Variants in OPRPN observed in about 807,000 individuals in gnomAD.
The protein encoded by OPRPN is basic proline-rich lacrimal protein.
A neutral mutation model predicts 2.2 loss-of-function variants in OPRPN; 1 was observed. The ratio of observed to expected loss-of-function variants is 0.45; its 90% confidence interval spans 0.16 to 2.15. OPRPN has a LOEUF of 2.15. Among genes scored for constraint, OPRPN ranks in the 30% most tolerant of loss-of-function variants. OPRPN has a pLI of 0.28. For synonymous variants in OPRPN, 126 were observed against 111.5 expected (o/e 1.13, Z -0.82); for missense variants, 306 against 297.3 (o/e 1.03, Z -0.21).
chr4:70,401,600 C>T (rs370803656), intron 2 of OPRPN, among the ~76,000 whole-genome samples: 4 of 152,186 alleles, frequency 2.6e-5, no homozygotes, highest in African/African-American at 9.6e-5. Context: ...GAACATGAGA[C>T]AAACCCTCAA....
At chr4:70,402,776 G>A (rs988234996) in intron 2 of OPRPN, among the ~76,000 whole-genome samples, 1 of 151,900 alleles carries the variant, frequency 6.6e-6, no homozygotes, top group Non-Finnish European at 1.5e-5. Flanking sequence ...AGCCAACCAT[G>A]CAAGCAGAGG....
chr4:70,400,901 C>T (rs1732970882), intron 2 of OPRPN, among the ~76,000 whole-genome samples: 1 of 151,818 alleles, frequency 6.6e-6, no homozygotes, highest in Admixed American at 6.6e-5. Context: ...AAGAAAGATC[C>T]ATGATCAAGT....
chr4:70,398,547 C>A (rs1229855321), intron 1 of OPRPN, among the ~76,000 whole-genome samples: 1 of 151,864 alleles, frequency 6.6e-6, no homozygotes, highest in Non-Finnish European at 1.5e-5. Context: ...ACCACATAAA[C>A]CCCAAGACAA....
Position 70,409,819 on chromosome 4 carries a change from C to A in OPRPN, c.491C>A (p.Thr164Asn). The change falls in exon 3 of 3, where the codon ACC (threonine) becomes AAC (asparagine). Residue 164 changes from threonine (T) to asparagine (N), a missense_variant. Coordinates refer to ENST00000399575, the MANE Select transcript of OPRPN (RefSeq NM_021225.5). ...AATCCCCCCACCACTGCAACAGCAA[C>A]CACCAGCACTTCCACAAAACCCACA... ...TTNPPTTATA[T>N]TSTSTKPTMT... is the part of the protein sequence containing the mutation. 6.2e-7 allele frequency: 1 copy of A among 1,612,812 alleles called. No homozygotes were observed. The highest frequency in any genetic ancestry group is 8.5e-7 in the Non-Finnish European group (1 of 1,179,220).
intron 2 of OPRPN, among the ~76,000 whole-genome samples, chr4:70,403,393 G>C (rs1733021318): frequency 6.6e-6 from 1 of 152,146 alleles, no homozygotes; most frequent in Non-Finnish European, 1.5e-5. Context: ...TACCAAAACA[G>C]GCAAACTACA....
chr4:70,398,532 C>T (rs1292392786), intron 1 of OPRPN, among the ~76,000 whole-genome samples: 1 of 151,898 alleles, frequency 6.6e-6, no homozygotes, highest in Non-Finnish European at 1.5e-5. Context: ...ATGCCAATGA[C>T]AGATACCACA....
At chr4:70,398,852 T>C (rs1009219562) in intron 1 of OPRPN, among the ~76,000 whole-genome samples, 1 of 151,882 alleles carries the variant, frequency 6.6e-6, no homozygotes, top group African/African-American at 2.4e-5. Flanking sequence ...TTTACAATAG[T>C]CGTGTCACGT....
At chr4:70,408,008 T>C (rs939443441) in intron 2 of OPRPN, among the ~76,000 whole-genome samples, 8 of 152,134 alleles carry the variant, frequency 5.3e-5, no homozygotes, top group Non-Finnish European at 8.8e-5. Flanking sequence ...GAAGATAGCC[T>C]TTTGGGGAAA....
intron 2 of OPRPN, among the ~76,000 whole-genome samples, chr4:70,404,721 C>T (rs976867548): frequency 2.6e-5 from 4 of 152,160 alleles, no homozygotes; most frequent in African/African-American, 7.2e-5. Flanking sequence ...TTCCATAAGA[C>T]TTAGAAGGCG....
At chr4:70,404,554 G>GC (rs1436053416) in intron 2 of OPRPN, among the ~76,000 whole-genome samples, 1 of 152,050 alleles carries the variant, frequency 6.6e-6, no homozygotes, top group African/African-American at 2.4e-5. Context: ...ACCATTCTAG[G>GC]CCAAGCCATC....
At chr4:70,409,230 T>C in intron 2 of OPRPN, 150 bp from the exon 3 acceptor site, 1 of 609,916 alleles carries the variant, frequency 1.6e-6, no homozygotes, top group Non-Finnish European at 2.7e-6. Context: ...TTTTTCTAAG[T>C]TATTTTCTCA....
chr4:70,398,050 T>A lies in OPRPN; in HGVS notation c.-16+10T>A, dbSNP rs541621697. 6.6e-6 allele frequency: 1 copy of A among 151,892 alleles called. No homozygotes were observed. Among genetic ancestry groups the A allele is most frequent in the Non-Finnish European group, 1.5e-5 (1 of 67,916 alleles). The allele number at this position is 151,892 out of a possible 1,614,324, so 9.4% of individuals were successfully genotyped here. A position where few individuals can be genotyped will look rare whatever the true frequency, so the allele number is the denominator to read the frequency against. On this transcript the variant is annotated intron_variant, in intron 1 of 2. Transcript: ENST00000399575. ...AGAATCTTCTACCAAGGTAGGTATA[T>A]AGAAATATAAATGTAAGAATTTTCA...
At chr4:70,406,619 A>G (rs1323703559) in intron 2 of OPRPN, among the ~76,000 whole-genome samples, 1 of 152,162 alleles carries the variant, frequency 6.6e-6, no homozygotes, top group Non-Finnish European at 1.5e-5. Context: ...ATTCTCAGCT[A>G]GAGGAACTGC....
rs562964459 is a variant in OPRPN at position 70,399,381 on chromosome 4, A to T, written c.51+45A>T. On this transcript the variant is annotated intron_variant, in intron 2 of 2. Coordinates refer to ENST00000399575, the MANE Select transcript of OPRPN (RefSeq NM_021225.5). The stretch of plus-strand genomic sequence containing the variant: ...AATTTACTTGTTATATTTATTGTTA[A>T]TCATGATTTCAAAGAAAGTTTTGAT... 6.0e-5 allele frequency: 90 copies of T among 1,492,246 alleles called. No homozygotes were observed. The East Asian group carries it at 1.8e-3, about 29-fold the overall frequency. 92.4% of individuals were successfully genotyped at this position (1,492,246 alleles called of 1,614,324 possible).
In OPRPN at chr4:70,409,920, G is replaced by C; in HGVS notation, c.592G>C (p.Ala198Pro). 8 of 1,613,852 alleles carry C rather than the reference G, an allele frequency of 5.0e-6. No individual in the cohort carries two copies. Among genetic ancestry groups the C allele is most frequent in the Non-Finnish European group, 6.8e-6 (8 of 1,179,926 alleles). Residue 198 changes from alanine (A) to proline (P), a missense_variant, in exon 3 of 3, where the codon GCA (alanine) becomes CCA (proline). Coordinates refer to ENST00000399575, the MANE Select transcript of OPRPN (RefSeq NM_021225.5). Reference protein sequence around the residue: ...PATSISAATPAASTENTTQIL... With the variant: ...PATSISAATPPASTENTTQIL... ...CACCTCCATATCAGCAGCAACCCCCGCAGCATCTACTGAAAATACTACTCA... is the reference window on the plus strand; with the variant it reads ...CACCTCCATATCAGCAGCAACCCCCCCAGCATCTACTGAAAATACTACTCA...
intron 2 of OPRPN, among the ~76,000 whole-genome samples, chr4:70,403,012 A>G (rs1431669103): frequency 6.6e-6 from 1 of 152,154 alleles, no homozygotes; most frequent in Non-Finnish European, 1.5e-5. Flanking sequence ...ACAAAACCTC[A>G]GAAAGATGCC....
At chr4:70,408,942 T>C (rs1268091226) in intron 2 of OPRPN, among the ~76,000 whole-genome samples, 2 of 152,246 alleles carry the variant, frequency 1.3e-5, no homozygotes, top group Admixed American at 6.5e-5. Flanking sequence ...GTAATAGTTA[T>C]ACAATTAATG....
At chr4:70,405,963 G>A (rs563170949) in intron 2 of OPRPN, among the ~76,000 whole-genome samples, 3 of 152,082 alleles carry the variant, frequency 2.0e-5, no homozygotes, top group East Asian at 1.9e-4. Context: ...AGCTACTTGC[G>A]AGGCTGAGGT....
chr4:70,403,052 C>T (rs1477388048), intron 2 of OPRPN, among the ~76,000 whole-genome samples: 1 of 152,116 alleles, frequency 6.6e-6, no homozygotes, highest in African/African-American at 2.4e-5. Flanking sequence ...TGCTTTCCAT[C>T]ATCCATAATG....
Sources: allele counts gnomAD v4.1 joint callset (sites outside exome capture counted in the v4.1 genomes callset), GRCh38; gene constraint gnomAD v4.1.1; transcripts MANE v1.5; gene names NCBI Gene and HGNC (gene_info 2026-07-23, HGNC 2026-07-21).